The following ADAMTS3 variants were observed in gnomAD, a reference collection of about 807,000 sequenced individuals.
The protein encoded by ADAMTS3 is A disintegrin and metalloproteinase with thrombospondin motifs 3.
ADAMTS3 carries 73 observed loss-of-function variants against 129.0 expected under a neutral mutation model. The ratio of observed to expected loss-of-function variants is 0.57; its 90% confidence interval spans 0.47 to 0.69. The LOEUF is 0.69. Among genes scored for constraint, ADAMTS3 ranks in the 30% least tolerant of loss-of-function variants. The probability of loss-of-function intolerance (pLI) is 0.00; values close to 1 mark genes in which losing one functional copy is unlikely to be tolerated. For missense variants in ADAMTS3, 1,457 were observed against 1,514.5 expected, an observed-to-expected ratio of 0.96 and a Z score of 0.63; for synonymous variants, 477 against 510.8, an observed-to-expected ratio of 0.93 and a Z score of 0.89.
At chr4:72,436,339 C>T (rs962631807) in intron 3 of ADAMTS3, among the ~76,000 whole-genome samples, 3 of 151,838 alleles carry the variant, frequency 2.0e-5, no homozygotes, top group Admixed American at 6.6e-5. Flanking sequence ...TGGCAATCAT[C>T]AAAAAGTCAG....
intron 4 of ADAMTS3, among the ~76,000 whole-genome samples, chr4:72,382,288 T>C (rs1315533302): frequency 6.7e-6 from 1 of 149,922 alleles, no homozygotes; most frequent in South Asian, 2.1e-4. Context: ...TTATGTCATA[T>C]AATTATATCT....
chr4:72,511,946 A>G (rs1007293068), intron 3 of ADAMTS3, among the ~76,000 whole-genome samples: 2 of 152,198 alleles, frequency 1.3e-5, no homozygotes, highest in African/African-American at 4.8e-5. Flanking sequence ...AAAGAACGAG[A>G]GCTTGTCATT....
intron 2 of ADAMTS3, among the ~76,000 whole-genome samples, chr4:72,549,446 G>A (rs1208358154): frequency 1.3e-5 from 2 of 152,066 alleles, no homozygotes; most frequent in Non-Finnish European, 2.9e-5. Flanking sequence ...CTTCACAGGT[G>A]AGAAAACTGA....
chr4:72,553,085 G>A (rs765340497), intron 2 of ADAMTS3, among the ~76,000 whole-genome samples: 13 of 35,090 alleles, frequency 3.7e-4, no homozygotes, highest in African/African-American at 9.7e-4. Context: ...AGTTTGAGTC[G>A]GAAGGGGTAT....
chr4:72,547,592 T>C (rs1346460066), intron 3 of ADAMTS3, among the ~76,000 whole-genome samples: 6 of 152,190 alleles, frequency 3.9e-5, no homozygotes, highest in Non-Finnish European at 8.8e-5. Flanking sequence ...CAGCTAAGTG[T>C]CACTGCCTGT....
chr4:72,470,490 CAT>C (rs747821035), intron 3 of ADAMTS3, among the ~76,000 whole-genome samples: 1 of 150,468 alleles, frequency 6.6e-6, no homozygotes, highest in Non-Finnish European at 1.5e-5. Flanking sequence ...TATATACACA[CAT>C]ATAATACACA....
At chr4:72,466,942 A>G (rs1039288981) in intron 3 of ADAMTS3, among the ~76,000 whole-genome samples, 1 of 152,072 alleles carries the variant, frequency 6.6e-6, no homozygotes. Context: ...GGTCCATTAG[A>G]GATGATAATA....
intron 19 of ADAMTS3, 118 bp from the exon 20 acceptor site, chr4:72,291,180 T>C (rs1718653273): frequency 1.0e-6 from 1 of 989,886 alleles, no homozygotes; most frequent in Non-Finnish European, 1.5e-6. Flanking sequence ...GTGGGCACAC[T>C]GCAGTTCAGG....
intron 3 of ADAMTS3, among the ~76,000 whole-genome samples, chr4:72,433,562 TA>T (rs1394515905): frequency 1.3e-5 from 2 of 151,956 alleles, no homozygotes; most frequent in Non-Finnish European, 2.9e-5. Context: ...AGATTTTCTT[TA>T]ATTCTCCTAA....
intron 3 of ADAMTS3, among the ~76,000 whole-genome samples, chr4:72,533,071 A>T (rs1339151929): frequency 2.0e-5 from 3 of 152,194 alleles, no homozygotes; most frequent in Admixed American, 2.0e-4. Context: ...TTGTTACTTT[A>T]TAAACTTATA....
At chr4:72,444,606 C>G (rs141856754) in intron 3 of ADAMTS3, among the ~76,000 whole-genome samples, 1 of 151,754 alleles carries the variant, frequency 6.6e-6, no homozygotes, top group Non-Finnish European at 1.5e-5. Context: ...ACATTTTAGG[C>G]AATTAAGTGG....
intron 2 of ADAMTS3, among the ~76,000 whole-genome samples, chr4:72,552,552 T>G (rs78906278): frequency 0.057 from 8,640 of 152,268 alleles, 381 homozygotes; most frequent in Non-Finnish European, 0.081. Flanking sequence ...GCTTCTGCTC[T>G]TCCCCTTAAT....
At chr4:72,387,851 T>C (rs1721486951) in intron 4 of ADAMTS3, among the ~76,000 whole-genome samples, 1 of 150,400 alleles carries the variant, frequency 6.6e-6, no homozygotes, top group South Asian at 2.1e-4. Context: ...GTTCCCCCAG[T>C]ATGTAATTAA....
In ADAMTS3 at chr4:72,290,901, T is replaced by A; in HGVS notation, c.2885A>T (p.Asn962Ile). The A allele has an allele frequency of 6.2e-7, 1 of 1,614,030 alleles. No homozygotes were observed. The highest frequency in any genetic ancestry group is 8.5e-7 in the Non-Finnish European group (1 of 1,179,956). Residue 962 changes from asparagine to isoleucine, a missense_variant, in exon 20 of 22, where the codon AAC becomes ATC. By Grantham distance (149) the Asn-to-Ile change is moderately radical. Transcript: ENST00000286657. ...CCACTGTGCAGGGCAGGGCACTCTG[T>A]TACAGGGCCGGCGGCTCTCGGGACG... is the stretch of plus-strand genomic sequence containing the variant. ...GDRPESRRPC[N>I]RVPCPAQWKT...
At chr4:72,409,746 A>G (rs890735371) in intron 4 of ADAMTS3, among the ~76,000 whole-genome samples, 2 of 152,158 alleles carry the variant, frequency 1.3e-5, no homozygotes, top group Non-Finnish European at 2.9e-5. Flanking sequence ...CTTCACTCTG[A>G]TTCCTATTTT....
Position 72,282,090 on chromosome 4 carries a change from C to G in ADAMTS3, c.*1046G>C, listed in dbSNP as rs1040254146. On this transcript the variant is annotated 3_prime_UTR_variant, in exon 22 of 22. Coordinates refer to ENST00000286657, the MANE Select transcript of ADAMTS3 (RefSeq NM_014243.3). Reference sequence around the variant, plus strand: ...ACTATACTCAAATATCAATTCTAGACTGATGATATTTTTCTCAGCTACCAA... The same window carrying G: ...ACTATACTCAAATATCAATTCTAGAGTGATGATATTTTTCTCAGCTACCAA... The G allele has an allele frequency of 1.6e-4, 25 of 152,278 alleles. No individual in the cohort carries two copies. The highest frequency in any genetic ancestry group is 5.1e-4 in the African/African-American group (21 of 41,556). 9.4% of individuals were successfully genotyped at this position (152,278 alleles called of 1,614,324 possible).
At chr4:72,426,084 GTGA>G (rs1263424465) in intron 3 of ADAMTS3, among the ~76,000 whole-genome samples, 2 of 152,218 alleles carry the variant, frequency 1.3e-5, no homozygotes, top group African/African-American at 4.8e-5. Flanking sequence ...CTGATGGCCA[GTGA>G]TGATGAGCAT....
At chr4:72,453,927 T>C (rs888530382) in intron 3 of ADAMTS3, among the ~76,000 whole-genome samples, 4 of 149,376 alleles carry the variant, frequency 2.7e-5, no homozygotes, top group Non-Finnish European at 3.0e-5. Context: ...TATGTATACA[T>C]AGGGAGAAAG....
intron 4 of ADAMTS3, among the ~76,000 whole-genome samples, chr4:72,400,352 C>T (rs1225183962): frequency 7.0e-6 from 1 of 142,484 alleles, no homozygotes; most frequent in Non-Finnish European, 1.5e-5. Flanking sequence ...TGTATATATA[C>T]GTGTGCATAG....
Sources: gnomAD v4.1 joint callset for allele counts (sites outside exome capture counted in the v4.1 genomes callset) on GRCh38, gnomAD v4.1.1 for gene constraint, MANE v1.5 for transcripts, NCBI Gene and HGNC (gene_info 2026-07-23, HGNC 2026-07-21) for gene names.